The following DYNC2H1 variants were observed in gnomAD, a reference collection of about 807,000 sequenced individuals.
DYNC2H1 encodes the protein dynein cytoplasmic 2 heavy chain 1.
Under a neutral mutation model 570.0 loss-of-function variants are expected in DYNC2H1, and 410 were observed. The observed-to-expected ratio is 0.72, with a 90% CI of 0.66 to 0.78. The LOEUF (loss-of-function observed/expected upper bound fraction) is 0.78, where lower values mean the gene tolerates loss of function less well. DYNC2H1 is among the 30% of genes least tolerant of loss of function. The pLI is 0.00. For synonymous variants in DYNC2H1, 1,688 were observed against 1,677.6 expected (o/e 1.01, Z -0.15); for missense variants, 4,865 against 5,046.4 (o/e 0.96, Z 1.09).
intron 56 of DYNC2H1, among the ~76,000 whole-genome samples, 198 bp from the exon 57 acceptor site, chr11:103,220,422 TGTG>T (rs1002436807): frequency 1.3e-5 from 2 of 152,206 alleles, no homozygotes; most frequent in Non-Finnish European, 1.5e-5. Context: ...TTATTGCAGT[TGTG>T]GTGGCAAGAC....
chr11:103,303,589 C>T (rs942284188), intron 76 of DYNC2H1, among the ~76,000 whole-genome samples: 1 of 151,978 alleles, frequency 6.6e-6, no homozygotes, highest in Non-Finnish European at 1.5e-5. Context: ...TGAGAAGGTG[C>T]TGTGCTACTG....
rs1251759176 is a variant in DYNC2H1 at position 103,204,592 on chromosome 11, A to T, written c.8312-230A>T. Among the ~76,000 whole-genome samples the T allele has an allele frequency of 6.6e-6, 1 of 152,168 alleles. No individual in the cohort carries two copies. The highest frequency in any genetic ancestry group is 2.4e-5 in the African/African-American group (1 of 41,458). On this transcript the variant is annotated intron_variant, in intron 51 of 88. Transcript: ENST00000375735. The surrounding 1 kb of genome is among the most constrained non-coding windows in gnomAD (Gnocchi z 4.1). ...ATAATCACACCACCCAGACATTATG[A>T]CACTTACATTTTTCATGGACATTTT...
chr11:103,241,003 C>T lies in DYNC2H1; in HGVS notation c.9820-2690C>T, dbSNP rs1864404608. Among the ~76,000 whole-genome samples the T allele has an allele frequency of 6.6e-6, 1 of 152,138 alleles. No homozygotes were observed. Among genetic ancestry groups the T allele is most frequent in the South Asian group, 2.1e-4 (1 of 4,832 alleles). ...ATACTCCAAACCTTTTTATTCCCCT[C>T]TATATCATGCTGTTGTTTTTGCCTG... On this transcript the variant is annotated intron_variant, in intron 63 of 88. Coordinates refer to ENST00000375735, the MANE Select transcript of DYNC2H1 (RefSeq NM_001377.3). The surrounding 1 kb of genome is among the most constrained non-coding windows in gnomAD (Gnocchi z 5.1).
chr11:103,473,232 A>G (rs375843749), intron 88 of DYNC2H1, among the ~76,000 whole-genome samples: 1 of 151,840 alleles, frequency 6.6e-6, no homozygotes, highest in Middle Eastern at 3.2e-3. Flanking sequence ...ACCATTATCT[A>G]TGTACTAAGA....
chr11:103,194,085 T>C (rs1862421856), intron 47 of DYNC2H1, among the ~76,000 whole-genome samples: 1 of 152,186 alleles, frequency 6.6e-6, no homozygotes, highest in Non-Finnish European at 1.5e-5. Context: ...ATAGCAGTTA[T>C]AGCACCACAG....
chr11:103,314,512 C>T (rs562074902), intron 79 of DYNC2H1, among the ~76,000 whole-genome samples: 1 of 152,008 alleles, frequency 6.6e-6, no homozygotes, highest in South Asian at 2.1e-4. Flanking sequence ...CCTATGCATG[C>T]TTCATTTAAC....
At chr11:103,262,422 T>C (rs959654457) in intron 70 of DYNC2H1, among the ~76,000 whole-genome samples, 1 of 151,864 alleles carries the variant, frequency 6.6e-6, no homozygotes, top group Non-Finnish European at 1.5e-5. Context: ...GGTTGAAATG[T>C]AGGAAAAAAT....
chr11:103,322,835 T>C (rs1652045708), intron 81 of DYNC2H1, among the ~76,000 whole-genome samples: 1 of 152,214 alleles, frequency 6.6e-6, no homozygotes, highest in Non-Finnish European at 1.5e-5. Flanking sequence ...CGATAATACA[T>C]GCACACATAT....
rs1477838675 is a variant in DYNC2H1 at position 103,245,917 on chromosome 11, T to G, written c.10042+543T>G. Among the ~76,000 whole-genome samples, 6 of 152,122 alleles carry G rather than the reference T, an allele frequency of 3.9e-5. No individual in the cohort carries two copies. Among genetic ancestry groups the G allele is most frequent in the African/African-American group, 1.4e-4 (6 of 41,446 alleles). ...ATCATGCAAAGTGTATACACATACA[T>G]ATGTAGACGTGTACATATACGTACG... On this transcript the variant is annotated intron_variant, in intron 65 of 88. Transcript: ENST00000375735. The surrounding 1 kb of genome is among the most constrained non-coding windows in gnomAD (Gnocchi z 4.5).
rs1057518898 is a variant in DYNC2H1, at chr11:103,256,241, G to A, written c.10461+1G>A. 2 of 1,592,408 alleles carry A rather than the reference G, an allele frequency of 1.3e-6. No homozygotes were observed. Among genetic ancestry groups the A allele is most frequent in the Non-Finnish European group, 1.7e-6 (2 of 1,170,828 alleles). ...CAAACTCCAAATTTCCCTTGATCAAGTAATTATTTCCTTCTTTGTAATTTC... is the reference window on the plus strand; with the variant it reads ...CAAACTCCAAATTTCCCTTGATCAAATAATTATTTCCTTCTTTGTAATTTC... On this transcript the variant is annotated splice_donor_variant, in intron 68 of 88. Coordinates refer to ENST00000375735, the MANE Select transcript of DYNC2H1 (RefSeq NM_001377.3). LOFTEE classifies it high-confidence loss of function. The surrounding 1 kb of genome is among the most constrained non-coding windows in gnomAD (Gnocchi z 4.0).
chr11:103,399,673 TA>T lies in DYNC2H1; in HGVS notation c.12169del (p.Ile4057TyrfsTer30), dbSNP rs1438015268. ...ACATTTTTCTTTTAGAATTCAAACC[TA>T]ATACATCAGAAAGTGCCTCCTCCTA... ...LWKKLNQNSNLIHQKVPPPND... is the reference protein window; with the variant it reads ...LWKKLNQNSNXIHQKVPPPND... On this transcript the variant is annotated frameshift_variant, in exon 84 of 89. Transcript: ENST00000375735. LOFTEE classifies it high-confidence loss of function. 4 of 1,611,610 alleles carry T rather than the reference TA, an allele frequency of 2.5e-6. No homozygotes were observed. In the Admixed American group the frequency reaches 6.7e-5, roughly 27 times the overall value.
intron 75 of DYNC2H1, among the ~76,000 whole-genome samples, chr11:103,301,203 T>C (rs1867032882): frequency 6.6e-6 from 1 of 151,960 alleles, no homozygotes; most frequent in Admixed American, 6.6e-5. Context: ...AATGTATGGC[T>C]ATCAGAAATT....
At chr11:103,386,491 T>G (rs1340772985) in intron 83 of DYNC2H1, among the ~76,000 whole-genome samples, 9 of 151,902 alleles carry the variant, frequency 5.9e-5, no homozygotes, top group African/African-American at 2.2e-4. Context: ...GCTATCTTAT[T>G]GGCTTTCTTT....
chr11:103,433,132 C>T (rs1728601459), intron 84 of DYNC2H1, among the ~76,000 whole-genome samples: 1 of 151,886 alleles, frequency 6.6e-6, no homozygotes. Context: ...TCTCATGTAT[C>T]ACTATCATTA....
intron 29 of DYNC2H1, among the ~76,000 whole-genome samples, chr11:103,162,068 C>G (rs636869): frequency 0.58 from 88,494 of 151,890 alleles, 26,284 homozygotes; most frequent in Admixed American, 0.69. Context: ...TTTTTTTCCT[C>G]TCTTGTAGTT....
chr11:103,111,369 C>T (rs1449609319), intron 1 of DYNC2H1, among the ~76,000 whole-genome samples: 2 of 152,188 alleles, frequency 1.3e-5, no homozygotes, highest in East Asian at 3.8e-4. Flanking sequence ...ATTTAATAGC[C>T]ATAACGACAT....
intron 82 of DYNC2H1, among the ~76,000 whole-genome samples, chr11:103,342,717 G>A (rs1939528992): frequency 2.0e-5 from 3 of 151,816 alleles, no homozygotes; most frequent in Non-Finnish European, 4.4e-5. Context: ...TGTTAGCCAG[G>A]ATGGTCTCGA....
At chr11:103,213,679 TG>T (rs1863253550) in intron 54 of DYNC2H1, among the ~76,000 whole-genome samples, 1 of 152,094 alleles carries the variant, frequency 6.6e-6, no homozygotes, top group African/African-American at 2.4e-5. Context: ...TGGAATTCTT[TG>T]TTGTTGTTGT....
Position 103,243,521 on chromosome 11 carries a change from G to T in DYNC2H1, c.9820-172G>T, listed in dbSNP as rs1342309570. On this transcript the variant is annotated intron_variant, in intron 63 of 88. Transcript: ENST00000375735. The surrounding 1 kb of genome is among the most constrained non-coding windows in gnomAD (Gnocchi z 4.8). ...AAGATTTGTTAATATGGCTTGTGAT[G>T]CAGCTAAAAACTGTATTTTTGTTTC... Among the ~76,000 whole-genome samples, 1 of 152,048 alleles carries T rather than the reference G, an allele frequency of 6.6e-6. No homozygotes were observed. The highest frequency in any genetic ancestry group is 1.5e-5 in the Non-Finnish European group (1 of 67,986).
Sources: gnomAD v4.1 joint callset for allele counts (sites outside exome capture counted in the v4.1 genomes callset) on GRCh38, gnomAD v4.1.1 for gene constraint, Gnocchi (gnomAD v3.1) non-coding constraint, MANE v1.5 for transcripts, NCBI Gene and HGNC (gene_info 2026-07-23, HGNC 2026-07-21) for gene names.